EPB41: variants seen among roughly 807,000 people sequenced by gnomAD.
EPB41 encodes protein 4.1.
In EPB41, 65 loss-of-function variants were observed where a neutral mutation model predicts 108.0. The ratio of observed to expected loss-of-function variants is 0.60; its 90% CI spans 0.49 to 0.74. EPB41 has a LOEUF of 0.74. Ranked by LOEUF, EPB41 falls within the 30% of genes least tolerant of loss-of-function variation. The probability of loss-of-function intolerance (pLI) is 0.00; values close to 1 mark genes in which losing one functional copy is unlikely to be tolerated. For missense variants in EPB41, 875 were observed against 1,037.0 expected (o/e 0.84, Z 2.15); for synonymous variants, 336 against 358.9 (o/e 0.94, Z 0.72).
At chr1:29,066,741 T>TTGG (rs1400874683) in intron 16 of EPB41, among the ~76,000 whole-genome samples, 2 of 152,104 alleles carry the variant, frequency 1.3e-5, no homozygotes, top group African/African-American at 4.8e-5. Flanking sequence ...TGGCACGATC[T>TTGG]TGGCTCCCTG....
intron 1 of EPB41, among the ~76,000 whole-genome samples, chr1:28,923,743 A>T (rs1234072486): frequency 1.3e-5 from 2 of 152,238 alleles, no homozygotes; most frequent in Non-Finnish European, 2.9e-5. Flanking sequence ...TAGCATTGGG[A>T]TGAATAATTG....
At chr1:28,978,421 A>G (rs1280146360) in intron 1 of EPB41, among the ~76,000 whole-genome samples, 1 of 151,550 alleles carries the variant, frequency 6.6e-6, no homozygotes, top group East Asian at 1.9e-4. Flanking sequence ...TCACAATCAC[A>G]GGGTAGTTGC....
chr1:28,920,470 G>A (rs2092993546), intron 1 of EPB41, among the ~76,000 whole-genome samples: 1 of 152,136 alleles, frequency 6.6e-6, no homozygotes, highest in Non-Finnish European at 1.5e-5. Context: ...AACATAGACT[G>A]AGGTTTTGGT....
chr1:28,967,132 C>T (rs985151345), intron 1 of EPB41, among the ~76,000 whole-genome samples: 1 of 147,888 alleles, frequency 6.8e-6, no homozygotes, highest in Non-Finnish European at 1.5e-5. Flanking sequence ...GATTCTCCTG[C>T]CTCAGCCTCC....
chr1:28,895,242 A>G (rs1430969534), intron 1 of EPB41, among the ~76,000 whole-genome samples: 1 of 151,968 alleles, frequency 6.6e-6, no homozygotes, highest in African/African-American at 2.4e-5. Flanking sequence ...GGAGCCTGGG[A>G]CTCACTAGTC....
intron 1 of EPB41, among the ~76,000 whole-genome samples, chr1:28,968,835 C>T (rs1378007017): frequency 1.3e-5 from 2 of 151,892 alleles, no homozygotes; most frequent in East Asian, 1.9e-4. Context: ...CATGGTGGTG[C>T]GCACCTGTAA....
intron 4 of EPB41, among the ~76,000 whole-genome samples, chr1:29,001,893 C>G (rs191225414): frequency 6.6e-6 from 1 of 152,090 alleles, no homozygotes; most frequent in African/African-American, 2.4e-5. Context: ...TATTTTTTAC[C>G]AGACTGATTT....
chr1:28,957,068 A>T (rs2094981063), intron 1 of EPB41, among the ~76,000 whole-genome samples: 2 of 152,264 alleles, frequency 1.3e-5, no homozygotes, highest in Admixed American at 1.3e-4. Context: ...ATTGTGGTTG[A>T]ATCTGGAGTA....
chr1:29,015,971 A>G (rs1321532631), intron 6 of EPB41, among the ~76,000 whole-genome samples: 2 of 152,202 alleles, frequency 1.3e-5, no homozygotes, highest in Non-Finnish European at 2.9e-5. Flanking sequence ...AGTATCTGTG[A>G]CCTGTATCAT....
chr1:28,935,208 A>G (rs2093944068), intron 1 of EPB41, among the ~76,000 whole-genome samples: 1 of 152,040 alleles, frequency 6.6e-6, no homozygotes, highest in African/African-American at 2.4e-5. Context: ...AGGCAGGCTG[A>G]TCACCTGAGC....
chr1:29,085,989 C>T (rs1658738535), intron 16 of EPB41, among the ~76,000 whole-genome samples: 1 of 152,052 alleles, frequency 6.6e-6, no homozygotes, highest in African/African-American at 2.4e-5. Flanking sequence ...TTTTAGAAGC[C>T]TATTAAGGCT....
chr1:29,014,312 C>T (rs552768836), intron 5 of EPB41, among the ~76,000 whole-genome samples: 17 of 150,456 alleles, frequency 1.1e-4, no homozygotes, highest in Admixed American at 4.0e-4. Context: ...AGCAAGACTT[C>T]GTCTGAAAAA....
upstream of EPB41, chr1:28,911,209 A>G (rs541517229): frequency 1.3e-5 from 13 of 979,680 alleles, no homozygotes; most frequent in African/African-American, 1.9e-4. Context: ...TAGCCTAACA[A>G]CTGAAGATGT....
chr1:28,955,961 T>C (rs1228832700), intron 1 of EPB41, among the ~76,000 whole-genome samples: 1 of 152,240 alleles, frequency 6.6e-6, no homozygotes, highest in East Asian at 1.9e-4. Flanking sequence ...GAAATTCCCT[T>C]GACAAATGCA....
intron 15 of EPB41, 168 bp from the exon 16 acceptor site, chr1:29,064,814 G>T (rs1213459111): frequency 6.0e-6 from 5 of 831,214 alleles, no homozygotes; most frequent in Non-Finnish European, 9.0e-6. Flanking sequence ...GAAAAAAAAG[G>T]CAAGCAAATA....
chr1:29,034,271 G>A (rs1001301232), intron 9 of EPB41, among the ~76,000 whole-genome samples: 8 of 152,132 alleles, frequency 5.3e-5, no homozygotes, highest in South Asian at 2.1e-4. Flanking sequence ...CTAGGGACTA[G>A]GAATATAACA....
At chr1:29,017,242 A>C (rs2096589174) in intron 6 of EPB41, among the ~76,000 whole-genome samples, 1 of 152,336 alleles carries the variant, frequency 6.6e-6, no homozygotes, top group Admixed American at 6.5e-5. Flanking sequence ...CATTGTTCTG[A>C]CATTTAAAAA....
In EPB41 at chr1:29,115,885, G is replaced by T; in HGVS notation, c.*6+82G>T. Reference sequence around the variant, plus strand: ...CTGGATGGGACCCTCGGACACACTGGGAGCCCATCCCCACAAAGAGGTGTT... The same window carrying T: ...CTGGATGGGACCCTCGGACACACTGTGAGCCCATCCCCACAAAGAGGTGTT... On this transcript the variant is annotated intron_variant, in intron 20 of 20. Transcript: ENST00000343067. This position sits in a 1 kb window ranked among gnomAD's most constrained non-coding sequence, Gnocchi z 4.4. 1 of 1,076,752 alleles carries T rather than the reference G, an allele frequency of 9.3e-7. No individual in the cohort carries two copies. Among genetic ancestry groups the T allele is most frequent in the Non-Finnish European group, 1.4e-6 (1 of 700,142 alleles). The allele number at this position is 1,076,752 out of a possible 1,614,324, so 66.7% of individuals were successfully genotyped here. A position where few individuals can be genotyped will look rare whatever the true frequency, so the allele number is the denominator to read the frequency against.
At chr1:29,011,017 C>T (rs1210926791) in intron 4 of EPB41, among the ~76,000 whole-genome samples, 1 of 150,646 alleles carries the variant, frequency 6.6e-6, no homozygotes, top group Non-Finnish European at 1.5e-5. Flanking sequence ...ACTCAGGAGG[C>T]GGAGGCAGGA....
Sources: gnomAD v4.1 joint callset for allele counts (sites outside exome capture counted in the v4.1 genomes callset) on GRCh38, gnomAD v4.1.1 for gene constraint, Gnocchi (gnomAD v3.1) non-coding constraint, MANE v1.5 for transcripts, NCBI Gene and HGNC (gene_info 2026-07-23, HGNC 2026-07-21) for gene names.